ZDHHC11B: variants seen among roughly 807,000 people sequenced by gnomAD.
ZDHHC11B encodes zDHHC palmitoyltransferase 11B (putative).
A neutral mutation model predicts 42.3 loss-of-function variants in ZDHHC11B; 17 were observed. That is an observed-to-expected ratio of 0.40 (90% CI 0.27 to 0.60). ZDHHC11B has a LOEUF of 0.60. Ranked by LOEUF, ZDHHC11B falls within the 20% of genes least tolerant of loss-of-function variation. ZDHHC11B has a pLI of 0.41. For missense variants in ZDHHC11B, 262 were observed against 463.2 expected, an observed-to-expected ratio of 0.57 and a Z score of 3.99; for synonymous variants, 123 against 193.5, an observed-to-expected ratio of 0.64 and a Z score of 3.02.
rs1051487951 is a variant in ZDHHC11B at position 710,382 on chromosome 5, A to C, written c.*1908T>G. 6.5e-6 allele frequency: 1 copy of C among 152,864 alleles called. No homozygotes were observed. Among genetic ancestry groups the C allele is most frequent in the Non-Finnish European group, 1.5e-5 (1 of 68,110 alleles). 9.5% of individuals were successfully genotyped at this position (152,864 alleles called of 1,614,324 possible). ...CATGTAGTAACTTATAGATATATTT[A>C]GAAAACTGATTATCTTTTAAAATAT... On this transcript the variant is annotated 3_prime_UTR_variant, in exon 14 of 14. Coordinates refer to ENST00000508859, the MANE Select transcript of ZDHHC11B (RefSeq NM_001351303.2).
chr5:758,969 G>A (rs146470951), intron 4 of ZDHHC11B, among the ~76,000 whole-genome samples: 10 of 151,986 alleles, frequency 6.6e-5, no homozygotes, highest in African/African-American at 2.2e-4. Flanking sequence ...AACCCTTCCT[G>A]AGCTGGCGGG....
intron 2 of ZDHHC11B, 110 bp from the exon 3 acceptor site, chr5:767,634 C>G (rs1735643068): frequency 1.2e-6 from 1 of 844,324 alleles, no homozygotes; most frequent in Admixed American, 2.9e-5. Flanking sequence ...TGGCAGCCAG[C>G]ACCCCAGTCT....
intron 1 of ZDHHC11B, among the ~76,000 whole-genome samples, chr5:780,141 T>TG (rs1352674101): frequency 5.9e-4 from 88 of 149,796 alleles, no homozygotes; most frequent in African/African-American, 2.0e-3. Context: ...AACAGGAAAC[T>TG]GTGGGGGCGA....
At chr5:762,768 T>C (rs1211845786) in intron 4 of ZDHHC11B, among the ~76,000 whole-genome samples, 2 of 151,636 alleles carry the variant, frequency 1.3e-5, no homozygotes, top group Non-Finnish European at 2.9e-5. Flanking sequence ...AAAAGCAAAG[T>C]AAACCCAAGG....
intron 5 of ZDHHC11B, among the ~76,000 whole-genome samples, chr5:755,358 C>A (rs1454533491): frequency 5.8e-4 from 52 of 89,026 alleles, no homozygotes; most frequent in African/African-American, 1.9e-3. Context: ...ATAGACCCCC[C>A]GCCAGCCATC....
chr5:780,365 T>C (rs1231151413), intron 1 of ZDHHC11B, among the ~76,000 whole-genome samples: 14 of 150,756 alleles, frequency 9.3e-5, no homozygotes, highest in Admixed American at 9.2e-4. Context: ...AGTATGGTGG[T>C]CTCAGGGACA....
At chr5:762,591 G>C (rs1258859221) in intron 4 of ZDHHC11B, among the ~76,000 whole-genome samples, 14 of 151,778 alleles carry the variant, frequency 9.2e-5, no homozygotes, top group Non-Finnish European at 1.5e-5. Context: ...AAGCCAGATG[G>C]GGTGGTTGAA....
At chr5:755,909 C>T in intron 5 of ZDHHC11B, 57 bp downstream of exon 5, 1 of 611,756 alleles carries the variant, frequency 1.6e-6, no homozygotes, top group Non-Finnish European at 2.6e-6. Flanking sequence ...GACCTGAGCA[C>T]CAGGACCCTG....
At chr5:738,726 A>G (rs1743809115) in intron 10 of ZDHHC11B, among the ~76,000 whole-genome samples, 1 of 148,406 alleles carries the variant, frequency 6.7e-6, no homozygotes, top group Non-Finnish European at 1.5e-5. Context: ...TGCTGGGATG[A>G]TTCACAAGCC....
chr5:753,919 G>T, intron 6 of ZDHHC11B, among the ~76,000 whole-genome samples: 1 of 144,874 alleles, frequency 6.9e-6, no homozygotes. Context: ...AGCAGGCGTG[G>T]TTCTTTTCCC....
intron 7 of ZDHHC11B, among the ~76,000 whole-genome samples, chr5:749,146 C>G (rs1412009993): frequency 4.0e-5 from 5 of 123,980 alleles, no homozygotes; most frequent in African/African-American, 1.4e-4. Context: ...CTGGCTCTGC[C>G]GAGTCCCAGC....
intron 1 of ZDHHC11B, among the ~76,000 whole-genome samples, chr5:772,425 G>A (rs1260436258): frequency 6.6e-6 from 1 of 151,714 alleles, no homozygotes; most frequent in African/African-American, 2.4e-5. Flanking sequence ...CAAACGTTCT[G>A]AGGAAAAATG....
At chr5:778,600 C>A (rs1579470056) in intron 1 of ZDHHC11B, among the ~76,000 whole-genome samples, 1 of 152,178 alleles carries the variant, frequency 6.6e-6, no homozygotes, top group Middle Eastern at 3.4e-3. Flanking sequence ...GGCTCAGGGT[C>A]CAGGGCACCT....
In ZDHHC11B at chr5:766,807, A is replaced by G. The variant is rs768856961; in HGVS notation, c.113T>C (p.Leu38Pro). 1 of 1,612,704 alleles carries G rather than the reference A, an allele frequency of 6.2e-7. No homozygotes were observed. Among genetic ancestry groups the G allele is most frequent in the East Asian group, 2.2e-5 (1 of 44,856 alleles). The change falls in exon 4 of 14, where the codon CTG becomes CCG. Residue 38 changes from leucine to proline, a missense_variant. By Grantham distance (98) the Leu-to-Pro change is moderately conservative. This residue lies in a region of ZDHHC11B where 97 missense variants were observed against 98.1 expected (regional missense o/e 0.99). Transcript: ENST00000508859. ...CCAAGTCACCACCCGGAAGTAGTGC[A>G]GGGGTAACGACCAGCCGTTCACTCT... Reference protein sequence around the residue: ...ISRVNGWSLPLHYFRVVTWAV... With the variant: ...ISRVNGWSLPPHYFRVVTWAV...
chr5:732,368 G>A (rs1743080126), intron 11 of ZDHHC11B: 2 of 249,878 alleles, frequency 8.0e-6, no homozygotes, highest in South Asian at 4.8e-5. Context: ...GACACCGAGG[G>A]GACTCACAAA....
chr5:764,591 C>G (rs1735032138), intron 4 of ZDHHC11B, among the ~76,000 whole-genome samples: 1 of 151,940 alleles, frequency 6.6e-6, no homozygotes, highest in African/African-American at 2.4e-5. Context: ...CCTCAGCTGC[C>G]TCCCTGCGGG....
chr5:729,607 T>C (rs1742860449), intron 12 of ZDHHC11B, among the ~76,000 whole-genome samples: 1 of 151,194 alleles, frequency 6.6e-6, no homozygotes, highest in African/African-American at 2.4e-5. Flanking sequence ...AGCCAATGAC[T>C]CTTACCTTTC....
At chr5:777,923 G>A (rs998607675) in intron 1 of ZDHHC11B, among the ~76,000 whole-genome samples, 6 of 151,840 alleles carry the variant, frequency 4.0e-5, no homozygotes, top group Admixed American at 1.3e-4. Flanking sequence ...GGGAGGGGGG[G>A]CGTGGCCTCG....
At position 767,905 on chromosome 5, in the gene ZDHHC11B, C is replaced by G. The variant is rs1301470044; in HGVS notation, c.-133-381G>C. Among the ~76,000 whole-genome samples, 30 of 11,202 alleles carry G rather than the reference C, an allele frequency of 2.7e-3. 1 individual carries two copies. The highest frequency in any genetic ancestry group is 6.2e-3 in the African/African-American group (25 of 4,052). The allele number at this position is 11,202 out of a possible 152,430, so 7.3% of individuals were successfully genotyped here. A position where few individuals can be genotyped will look rare whatever the true frequency, so the allele number is the denominator to read the frequency against. ...CAGGGCCAGCTCTCGCTGTGGGGGACACAGGCCAGGTGTACTGTGCAGTGT... is the reference window on the plus strand; with the variant it reads ...CAGGGCCAGCTCTCGCTGTGGGGGAGACAGGCCAGGTGTACTGTGCAGTGT... On this transcript the variant is annotated intron_variant, in intron 2 of 13. Transcript: ENST00000508859.
Sources: allele counts gnomAD v4.1 joint callset (sites outside exome capture counted in the v4.1 genomes callset), GRCh38; gene constraint gnomAD v4.1.1; regional missense constraint gnomAD v4.1.1; transcripts MANE v1.5; gene names NCBI Gene and HGNC (gene_info 2026-07-23, HGNC 2026-07-21).